The following CCDC144A variants were observed in gnomAD, a reference collection of about 807,000 sequenced individuals.
The protein encoded by CCDC144A is coiled-coil domain containing 144A.
Under a neutral mutation model 143.8 loss-of-function variants are expected in CCDC144A, and 41 were observed. That is an observed-to-expected ratio of 0.29 (90% CI 0.22 to 0.37). The LOEUF (loss-of-function observed/expected upper bound fraction) is 0.37, where lower values mean the gene tolerates loss of function less well. Ranked by LOEUF, CCDC144A falls within the 10% of genes least tolerant of loss-of-function variation. CCDC144A has a pLI of 1.00. For synonymous variants in CCDC144A, 242 were observed against 517.9 expected (o/e 0.47, Z 7.23); for missense variants, 637 against 1,488.8 (o/e 0.43, Z 9.41).
At chr17:16,683,593 C>T in the CCDC144A span, 1 of 1,611,072 alleles carries the variant, frequency 6.2e-7, no homozygotes, top group East Asian at 2.2e-5. Context: ...GACCGGTTTC[C>T]TGCTGCCAGA....
chr17:16,697,311 G>A (rs2543930), intron 2 of CCDC144A, among the ~76,000 whole-genome samples: 32 of 151,850 alleles, frequency 2.1e-4, no homozygotes, highest in Non-Finnish European at 2.2e-4. Flanking sequence ...CTACTCAACC[G>A]TACCATTGAA....
At chr17:16,686,960 A>G (rs1406086472), upstream of CCDC144A, among the ~76,000 whole-genome samples, 2 of 151,900 alleles carry the variant, frequency 1.3e-5, no homozygotes, top group East Asian at 1.9e-4. Flanking sequence ...GGCAGTCCTC[A>G]CCCCAGCTAG....
At chr17:16,759,157 G>C (rs545713677) in intron 12 of CCDC144A, among the ~76,000 whole-genome samples, 51 of 152,180 alleles carry the variant, frequency 3.4e-4, no homozygotes, top group African/African-American at 1.2e-3. Context: ...ATGCTCCTCA[G>C]ATTAGGATGG....
intron 12 of CCDC144A, among the ~76,000 whole-genome samples, chr17:16,742,699 G>C (rs571843568): frequency 6.6e-6 from 1 of 151,960 alleles, no homozygotes; most frequent in Non-Finnish European, 1.5e-5. Flanking sequence ...CTCCAACCTC[G>C]CCAGGATTTT....
intron 9 of CCDC144A, chr17:16,731,533 A>T (rs929534592): frequency 1.3e-5 from 2 of 158,396 alleles, no homozygotes; most frequent in African/African-American, 4.9e-5. Context: ...AAAATTTCAA[A>T]TATGCTTTTC....
chr17:16,717,300 A>T (rs1401680444), intron 6 of CCDC144A, among the ~76,000 whole-genome samples: 2 of 144,072 alleles, frequency 1.4e-5, no homozygotes, highest in African/African-American at 5.2e-5. Flanking sequence ...TTTAGTAGAG[A>T]TGGGTTTCAC....
At chr17:16,736,413 A>C (rs961639974) in intron 12 of CCDC144A, among the ~76,000 whole-genome samples, 4 of 152,082 alleles carry the variant, frequency 2.6e-5, no homozygotes, top group Non-Finnish European at 5.9e-5. Flanking sequence ...TGCCCAGCCT[A>C]AAGGCATTTA....
At chr17:16,688,484 GTTTTTTTT>G (rs66493875), upstream of CCDC144A, among the ~76,000 whole-genome samples, 17 of 71,620 alleles carry the variant, frequency 2.4e-4, no homozygotes, top group East Asian at 9.5e-4. Flanking sequence ...TTCTTTTTCT[GTTTTTTTT>G]TTTTTTTTTT....
intron 8 of CCDC144A, among the ~76,000 whole-genome samples, chr17:16,724,518 A>G (rs942761895): frequency 1.0e-3 from 151 of 151,094 alleles, no homozygotes; most frequent in African/African-American, 3.4e-3. Context: ...TCAAAAAAAA[A>G]AAAAAAAAAA....
At chr17:16,700,268 C>T (rs1911658491) in intron 2 of CCDC144A, among the ~76,000 whole-genome samples, 1 of 152,220 alleles carries the variant, frequency 6.6e-6, no homozygotes, top group Non-Finnish European at 1.5e-5. Flanking sequence ...CCCCCAGCCT[C>T]AAATTTTGAT....
chr17:16,710,272 T>C (rs1912326348), intron 5 of CCDC144A: 1 of 158,892 alleles, frequency 6.3e-6, no homozygotes, highest in African/African-American at 2.5e-5. Flanking sequence ...GAGCAGGTCA[T>C]AAGTAACTCC....
intron 12 of CCDC144A, chr17:16,746,673 AC>A (rs1271153768): frequency 1.2e-6 from 2 of 1,611,314 alleles, no homozygotes; most frequent in Admixed American, 1.7e-5. Flanking sequence ...GCGGCGAAGA[AC>A]TCGAAGTAGT....
At chr17:16,729,991 T>TATATATATATACACAC (rs1491438660) in intron 9 of CCDC144A, among the ~76,000 whole-genome samples, 1 of 114,886 alleles carries the variant, frequency 8.7e-6, no homozygotes, top group African/African-American at 3.3e-5. Context: ...TATATATATA[T>TATATATATATACACAC]ACACACATAC....
chr17:16,764,125 C>G lies in CCDC144A; in HGVS notation c.4048C>G (p.Pro1350Ala). The stretch of plus-strand genomic sequence containing the variant: ...TGAAGGTCTCAACAGAAAACATATT[C>G]CAAGAAAAAAGAGGTCTGCTCTTAA... ...DSEGLNRKHI[P>A]RKKRSALKDM... is the part of the protein sequence containing the mutation. Residue 1350 changes from proline to alanine, a missense_variant, in exon 15 of 17, where the codon CCA (proline) becomes GCA (alanine). Coordinates refer to ENST00000399273, the MANE Select transcript of CCDC144A (RefSeq NM_001382000.1). 6.2e-7 allele frequency: 1 copy of G among 1,611,540 alleles called. No individual in the cohort carries two copies. Among genetic ancestry groups the G allele is most frequent in the East Asian group, 2.2e-5 (1 of 44,750 alleles).
Position 16,709,069 on chromosome 17 carries a change from A to C in CCDC144A, c.1012A>C (p.Thr338Pro). ...TDVKDIPFNL[T>P]NNIPGCEEED... ...TGTAAAGGATATTCCCTTTAATTTG[A>C]CAAATAACATACCTGGTTGTGAGGA... Residue 338 changes from threonine (T) to proline (P), a missense_variant, in exon 5 of 17, where the codon ACA becomes CCA. Coordinates refer to ENST00000399273, the MANE Select transcript of CCDC144A (RefSeq NM_001382000.1). The C allele has an allele frequency of 1.2e-6, 2 of 1,611,714 alleles. No individual in the cohort carries two copies. The highest frequency in any genetic ancestry group is 2.3e-4 in the Middle Eastern group (1 of 4,426).
the CCDC144A span, chr17:16,683,974 C>A: frequency 9.3e-7 from 1 of 1,078,962 alleles, no homozygotes; most frequent in Non-Finnish European, 1.4e-6. Flanking sequence ...TAACTGTAGG[C>A]ATTAGACTTC....
chr17:16,755,499 G>A (rs1254039589), intron 12 of CCDC144A, among the ~76,000 whole-genome samples: 1 of 152,158 alleles, frequency 6.6e-6, no homozygotes, highest in Non-Finnish European at 1.5e-5. Flanking sequence ...TGTAGGATCA[G>A]TCTAGTGGTG....
At chr17:16,743,190 T>C (rs981088675) in intron 12 of CCDC144A, among the ~76,000 whole-genome samples, 6 of 152,234 alleles carry the variant, frequency 3.9e-5, no homozygotes, top group Admixed American at 3.3e-4. Flanking sequence ...ATTTTCCATA[T>C]ATTTTCTTGT....
intron 5 of CCDC144A, among the ~76,000 whole-genome samples, chr17:16,711,147 A>AAAAAAAAAAAAAAAAAGTTATTGGGGGG: frequency 7.1e-6 from 1 of 140,222 alleles, no homozygotes; most frequent in South Asian, 2.3e-4. Context: ...AAAAAAAAAA[A>AAAAAAAAAAAAAAAAAGTTATTGGGGGG]AAAAAAAAAA....
Sources: allele counts gnomAD v4.1 joint callset (sites outside exome capture counted in the v4.1 genomes callset), GRCh38; gene constraint gnomAD v4.1.1; transcripts MANE v1.5; gene names NCBI Gene and HGNC (gene_info 2026-07-23, HGNC 2026-07-21).